The following ROR2 variants were observed in gnomAD, a reference collection of about 807,000 sequenced individuals.
ROR2 encodes the protein ROR family WNT receptor 2.
ROR2 carries 33 observed loss-of-function variants against 74.9 expected under a neutral mutation model. That is an observed-to-expected ratio of 0.44 (90% confidence interval 0.33 to 0.59). ROR2 has a LOEUF of 0.59. Among genes scored for constraint, ROR2 ranks in the 20% least tolerant of loss-of-function variants. ROR2 has a pLI of 0.02. For synonymous variants in ROR2, 586 were observed against 558.7 expected, an observed-to-expected ratio of 1.05 and a Z score of -0.69; for missense variants, 1,216 against 1,313.8, an observed-to-expected ratio of 0.93 and a Z score of 1.15.
intron 1 of ROR2, among the ~76,000 whole-genome samples, chr9:91,875,710 A>G (rs1195615990): frequency 6.6e-6 from 1 of 152,208 alleles, no homozygotes; most frequent in Non-Finnish European, 1.5e-5. Context: ...TCTGGAGGTG[A>G]GAGAGCTCCA....
chr9:91,913,317 C>T (rs1211723414), intron 1 of ROR2, among the ~76,000 whole-genome samples: 1 of 152,108 alleles, frequency 6.6e-6, no homozygotes, highest in East Asian at 1.9e-4. Context: ...CAGTAGATAC[C>T]GGTTGAGCAG....
intron 1 of ROR2, among the ~76,000 whole-genome samples, chr9:91,910,786 C>G (rs1439051889): frequency 6.6e-6 from 1 of 152,084 alleles, no homozygotes; most frequent in East Asian, 1.9e-4. Context: ...GCCTCAGCCT[C>G]CTAAGTAGCT....
intron 2 of ROR2, among the ~76,000 whole-genome samples, chr9:91,774,095 G>T (rs1587706332): frequency 6.6e-6 from 1 of 151,646 alleles, no homozygotes; most frequent in Admixed American, 6.5e-5. Context: ...AGGCTTTTGA[G>T]AAAGAAGTTG....
At chr9:91,925,713 G>A (rs1831379595) in intron 1 of ROR2, among the ~76,000 whole-genome samples, 1 of 152,150 alleles carries the variant, frequency 6.6e-6, no homozygotes, top group South Asian at 2.1e-4. Context: ...GCAATCCTAT[G>A]TCAAGAGTGC....
At chr9:91,867,037 TAC>T (rs1829653998) in intron 1 of ROR2, among the ~76,000 whole-genome samples, 1 of 152,214 alleles carries the variant, frequency 6.6e-6, no homozygotes, top group Non-Finnish European at 1.5e-5. Context: ...ACAAGATACA[TAC>T]AGTCGGCATA....
At chr9:91,796,584 T>C (rs1422250760) in intron 1 of ROR2, among the ~76,000 whole-genome samples, 1 of 152,218 alleles carries the variant, frequency 6.6e-6, no homozygotes, top group Admixed American at 6.5e-5. Flanking sequence ...CCAGTGTGAC[T>C]AAGCTATGCC....
At chr9:91,768,254 G>C (rs1308297205) in intron 2 of ROR2, among the ~76,000 whole-genome samples, 1 of 152,050 alleles carries the variant, frequency 6.6e-6, no homozygotes, top group Non-Finnish European at 1.5e-5. Context: ...AAGGCACCTC[G>C]TCTTGAAGTC....
intron 1 of ROR2, among the ~76,000 whole-genome samples, chr9:91,943,787 G>T (rs886967128): frequency 5.3e-5 from 8 of 152,234 alleles, no homozygotes; most frequent in Admixed American, 2.0e-4. Context: ...TTCAATTCTA[G>T]TTTCCTGCTA....
intron 1 of ROR2, among the ~76,000 whole-genome samples, chr9:91,817,039 C>T (rs1827962451): frequency 6.6e-6 from 1 of 152,208 alleles, no homozygotes; most frequent in Admixed American, 6.5e-5. Flanking sequence ...TATAGACTGC[C>T]TGTGGGGAGA....
At chr9:91,732,796 A>T (rs1398777572) in intron 6 of ROR2, among the ~76,000 whole-genome samples, 3 of 152,298 alleles carry the variant, frequency 2.0e-5, no homozygotes, top group Admixed American at 2.0e-4. Context: ...AGCCATTTCC[A>T]CAGGAAGTGA....
At chr9:91,890,983 G>A (rs1284997535) in intron 1 of ROR2, among the ~76,000 whole-genome samples, 2 of 152,084 alleles carry the variant, frequency 1.3e-5, no homozygotes, top group African/African-American at 4.8e-5. Context: ...CAGAATTGCT[G>A]TTGTTCTTTT....
At chr9:91,897,509 A>C (rs923333067) in intron 1 of ROR2, among the ~76,000 whole-genome samples, 14 of 151,896 alleles carry the variant, frequency 9.2e-5, no homozygotes, top group African/African-American at 3.4e-4. Context: ...AAATTTTGTC[A>C]TAAGAACAAA....
intron 2 of ROR2, among the ~76,000 whole-genome samples, chr9:91,775,132 C>A (rs1826377365): frequency 2.6e-5 from 4 of 152,238 alleles, no homozygotes; most frequent in Admixed American, 2.6e-4. Context: ...TGTGTTGTTT[C>A]AGCTTCCTGG....
chr9:91,934,632 GT>G (rs1831634822), intron 1 of ROR2, among the ~76,000 whole-genome samples: 1 of 152,134 alleles, frequency 6.6e-6, no homozygotes, highest in African/African-American at 2.4e-5. Flanking sequence ...AAACAGCTGA[GT>G]TTTTAGGGCC....
chr9:91,894,301 G>C (rs1177020146), intron 1 of ROR2, among the ~76,000 whole-genome samples: 2 of 152,132 alleles, frequency 1.3e-5, no homozygotes, highest in Non-Finnish European at 2.9e-5. Flanking sequence ...TTGCACAAGG[G>C]GCCTCAGCCT....
chr9:91,922,439 C>T (rs1194742373), intron 1 of ROR2, among the ~76,000 whole-genome samples: 1 of 151,888 alleles, frequency 6.6e-6, no homozygotes, highest in Non-Finnish European at 1.5e-5. Context: ...GAATGTTGTT[C>T]TACTTAAATA....
intron 2 of ROR2, among the ~76,000 whole-genome samples, chr9:91,773,203 A>C (rs1201527491): frequency 6.6e-6 from 1 of 152,178 alleles, no homozygotes. Flanking sequence ...TTTGCAGCGC[A>C]TCTGAAACAA....
At chr9:91,768,644 G>C (rs929919379) in intron 2 of ROR2, among the ~76,000 whole-genome samples, 3 of 152,174 alleles carry the variant, frequency 2.0e-5, no homozygotes, top group Non-Finnish European at 4.4e-5. Flanking sequence ...GCTACCCCTG[G>C]GAGAAAGACA....
chr9:91,775,049 A>C (rs994128451), intron 2 of ROR2, among the ~76,000 whole-genome samples: 1 of 152,176 alleles, frequency 6.6e-6, no homozygotes, highest in Non-Finnish European at 1.5e-5. Context: ...AGCCAGGAGG[A>C]GGGTCCTCTC....
Sources: gnomAD v4.1 joint callset for allele counts (sites outside exome capture counted in the v4.1 genomes callset) on GRCh38, gnomAD v4.1.1 for gene constraint, MANE v1.5 for transcripts, NCBI Gene and HGNC (gene_info 2026-07-23, HGNC 2026-07-21) for gene names.